Variants in TMEM132B observed in about 807,000 individuals in gnomAD.
The protein encoded by TMEM132B is transmembrane protein 132B.
TMEM132B carries 18 observed loss-of-function variants against 90.8 expected under a neutral mutation model. That is an observed-to-expected ratio of 0.20 (90% CI 0.14 to 0.29). The LOEUF is 0.29. TMEM132B is among the 10% of genes least tolerant of loss of function. The probability of loss-of-function intolerance (pLI) is 1.00; values close to 1 mark genes in which losing one functional copy is unlikely to be tolerated. For synonymous variants in TMEM132B, 504 were observed against 523.3 expected, an observed-to-expected ratio of 0.96 and a Z score of 0.50; for missense variants, 1,096 against 1,326.8, an observed-to-expected ratio of 0.83 and a Z score of 2.70.
chr12:125,545,813 T>C (rs1884076800), intron 4 of TMEM132B, among the ~76,000 whole-genome samples: 2 of 152,178 alleles, frequency 1.3e-5, no homozygotes, highest in South Asian at 4.1e-4. Flanking sequence ...GATCCAGTCA[T>C]ACCCAAGCTA....
chr12:125,282,191 C>T (rs1366896896), intron 1 of TMEM132B, among the ~76,000 whole-genome samples: 1 of 152,074 alleles, frequency 6.6e-6, no homozygotes, highest in Non-Finnish European at 1.5e-5. Context: ...CTGAGCTTGC[C>T]TTCTTACTAC....
chr12:125,454,797 ATG>A (rs1881248749), intron 3 of TMEM132B, among the ~76,000 whole-genome samples: 3 of 152,124 alleles, frequency 2.0e-5, no homozygotes, highest in Admixed American at 1.3e-4. Context: ...GCCTCGCTTG[ATG>A]TTTATTTTCA....
In TMEM132B at chr12:125,657,225, A is replaced by C. The variant is rs1410479236; in HGVS notation, c.*2515A>C. Reference sequence around the variant, plus strand: ...GTAGCCGCCTTTGCTCCTCTGTGTTAAAACCCAGTCAGTTCAAAATAACAA... The same window carrying C: ...GTAGCCGCCTTTGCTCCTCTGTGTTCAAACCCAGTCAGTTCAAAATAACAA... On this transcript the variant is annotated 3_prime_UTR_variant, in exon 9 of 9. Coordinates refer to ENST00000682704, the MANE Select transcript of TMEM132B (RefSeq NM_001366854.1). The C allele has an allele frequency of 6.6e-6, 1 of 152,166 alleles. No homozygotes were observed. Among genetic ancestry groups the C allele is most frequent in the Non-Finnish European group, 1.5e-5 (1 of 68,058 alleles). 9.4% of individuals were successfully genotyped at this position (152,166 alleles called of 1,614,324 possible).
intron 1 of TMEM132B, among the ~76,000 whole-genome samples, chr12:125,253,733 C>G (rs1874368414): frequency 6.6e-6 from 1 of 152,140 alleles, no homozygotes; most frequent in African/African-American, 2.4e-5. Flanking sequence ...GGTGCCTGGC[C>G]CATCCCTTCA....
chr12:125,318,173 T>C (rs1876336507), intron 1 of TMEM132B, among the ~76,000 whole-genome samples: 1 of 112,562 alleles, frequency 8.9e-6, no homozygotes, highest in Admixed American at 1.0e-4. Context: ...AGGCACTATA[T>C]ACTACAATAA....
At chr12:125,624,751 T>C (rs532667875) in intron 5 of TMEM132B, among the ~76,000 whole-genome samples, 2 of 152,320 alleles carry the variant, frequency 1.3e-5, no homozygotes, top group Admixed American at 1.3e-4. Flanking sequence ...GCGGTCCTTT[T>C]TGTCTTCAGC....
At chr12:125,375,720 T>G (rs924369382) in intron 2 of TMEM132B, among the ~76,000 whole-genome samples, 1 of 152,240 alleles carries the variant, frequency 6.6e-6, no homozygotes, top group Admixed American at 6.5e-5. Context: ...CATAGTAACA[T>G]GATGAGGGTT....
intron 1 of TMEM132B, among the ~76,000 whole-genome samples, chr12:125,247,868 C>T (rs1238134890): frequency 6.6e-6 from 1 of 152,102 alleles, no homozygotes; most frequent in Non-Finnish European, 1.5e-5. Context: ...CTTGCTGTCT[C>T]TTTTTTTTAT....
chr12:125,449,464 C>G (rs575199138), intron 3 of TMEM132B, among the ~76,000 whole-genome samples: 2 of 152,144 alleles, frequency 1.3e-5, no homozygotes, highest in African/African-American at 4.8e-5. Context: ...TTTCTATTTT[C>G]TGTTTTATTC....
intron 3 of TMEM132B, among the ~76,000 whole-genome samples, chr12:125,477,733 G>A (rs894759080): frequency 6.6e-6 from 1 of 152,158 alleles, no homozygotes; most frequent in African/African-American, 2.4e-5. Flanking sequence ...TCTGAAGAGA[G>A]CAGTGGTTCT....
chr12:125,306,019 TAGA>T (rs1489874223), intron 1 of TMEM132B, among the ~76,000 whole-genome samples: 1 of 152,230 alleles, frequency 6.6e-6, no homozygotes, highest in Non-Finnish European at 1.5e-5. Flanking sequence ...ATTCATTTCT[TAGA>T]GTCTTGTGCC....
chr12:125,468,396 TG>T (rs1344259846), intron 3 of TMEM132B, among the ~76,000 whole-genome samples: 1 of 152,254 alleles, frequency 6.6e-6, no homozygotes, highest in Non-Finnish European at 1.5e-5. Flanking sequence ...TTTTGAAGGA[TG>T]AACAGATTTT....
chr12:125,210,070 G>C (rs1873286186), intron 1 of TMEM132B, among the ~76,000 whole-genome samples: 1 of 152,206 alleles, frequency 6.6e-6, no homozygotes, highest in Non-Finnish European at 1.5e-5. Context: ...TGGACAGTCA[G>C]ATCGGGGAGG....
At chr12:125,531,223 C>T (rs1201659410) in intron 4 of TMEM132B, among the ~76,000 whole-genome samples, 2 of 152,078 alleles carry the variant, frequency 1.3e-5, no homozygotes, top group African/African-American at 4.8e-5. Flanking sequence ...TCTTGCTCTG[C>T]CACTCAGGCT....
At chr12:125,374,881 A>G (rs1233603508) in intron 2 of TMEM132B, among the ~76,000 whole-genome samples, 1 of 152,180 alleles carries the variant, frequency 6.6e-6, no homozygotes, top group Non-Finnish European at 1.5e-5. Flanking sequence ...CATGTTGCAG[A>G]AAAATGTTGA....
chr12:125,275,583 C>A (rs1874964736), intron 1 of TMEM132B, among the ~76,000 whole-genome samples: 1 of 152,190 alleles, frequency 6.6e-6, no homozygotes, highest in African/African-American at 2.4e-5. Context: ...GCTGCTCAAA[C>A]AAAAGATAAT....
chr12:125,409,465 G>A (rs999301165), intron 2 of TMEM132B, among the ~76,000 whole-genome samples: 5 of 152,146 alleles, frequency 3.3e-5, no homozygotes, highest in Non-Finnish European at 5.9e-5. Flanking sequence ...TTGAGGGGGG[G>A]CAACACTCCT....
chr12:125,292,582 A>G (rs1875570422), intron 1 of TMEM132B, among the ~76,000 whole-genome samples: 1 of 152,224 alleles, frequency 6.6e-6, no homozygotes, highest in East Asian at 1.9e-4. Flanking sequence ...AAACTGCAGT[A>G]TCTGGGAGGG....
chr12:125,222,004 C>T lies in TMEM132B; in HGVS notation c.67+35138C>T, dbSNP rs201698942. ...GCAGTTCAGAAATAGAGGGCTGCTGCAGTCTCCCAAGGTGATGAAACTGGC... is the reference window on the plus strand; with the variant it reads ...GCAGTTCAGAAATAGAGGGCTGCTGTAGTCTCCCAAGGTGATGAAACTGGC... On this transcript the variant is annotated intron_variant, in intron 1 of 8. Coordinates refer to ENST00000682704, the MANE Select transcript of TMEM132B (RefSeq NM_001366854.1). 2.6e-5 allele frequency among the ~76,000 whole-genome samples: 4 copies of T among 152,328 alleles called. No homozygotes were observed. The East Asian group carries it at 7.7e-4, about 29-fold the overall frequency.
Sources: allele counts gnomAD v4.1 joint callset (sites outside exome capture counted in the v4.1 genomes callset), GRCh38; gene constraint gnomAD v4.1.1; transcripts MANE v1.5; gene names NCBI Gene and HGNC (gene_info 2026-07-23, HGNC 2026-07-21).